The following CEP63 variants were observed in gnomAD, a reference collection of about 807,000 sequenced individuals.
The protein encoded by CEP63 is centrosomal protein 63, also known as centrosomal protein of 63 kDa.
In CEP63, 84 loss-of-function variants were observed where a neutral mutation model predicts 89.1. The ratio of observed to expected loss-of-function variants is 0.94; its 90% CI spans 0.79 to 1.13. The LOEUF (loss-of-function observed/expected upper bound fraction) is 1.13, where lower values mean the gene tolerates loss of function less well. Ranked by LOEUF, CEP63 falls within the 50% of genes most tolerant of loss-of-function variation. CEP63 has a pLI of 0.00. For synonymous variants in CEP63, 267 were observed against 272.5 expected (o/e 0.98, Z 0.20); for missense variants, 838 against 813.3 (o/e 1.03, Z -0.37).
chr3:134,611,865 AT>A, the CEP63 span, among the ~76,000 whole-genome samples: 1 of 152,244 alleles, frequency 6.6e-6, no homozygotes, highest in East Asian at 1.9e-4. Flanking sequence ...TACTATAGGA[AT>A]TGGGGGAATC....
chr3:134,593,199 A>T, the CEP63 span, among the ~76,000 whole-genome samples: 4 of 152,138 alleles, frequency 2.6e-5, no homozygotes, highest in East Asian at 1.9e-4. Flanking sequence ...CCACAATTTT[A>T]TGAGGGGCTT....
At chr3:134,560,491 C>T (rs746424676) in intron 14 of CEP63, among the ~76,000 whole-genome samples, 36 of 152,160 alleles carry the variant, frequency 2.4e-4, no homozygotes, top group Admixed American at 3.3e-4. Context: ...CCTTGTTGCC[C>T]CTGCTTATGC....
At position 134,512,321 on chromosome 3, in the gene CEP63, A is replaced by T. The variant is rs565021267; in HGVS notation, c.222+5035A>T. On this transcript the variant is annotated intron_variant, in intron 3 of 14. Transcript: ENST00000675561. ...ATGTGTTTCTGGTTACAGTGTTGGCACTGGGTTGGTTTTAATGGACATTCC... is the reference window on the plus strand; with the variant it reads ...ATGTGTTTCTGGTTACAGTGTTGGCTCTGGGTTGGTTTTAATGGACATTCC... Among the ~76,000 whole-genome samples, 4 of 152,318 alleles carry T rather than the reference A, an allele frequency of 2.6e-5. No individual in the cohort carries two copies. The South Asian group carries it at 8.3e-4, about 32-fold the overall frequency.
intron 2 of CEP63, among the ~76,000 whole-genome samples, chr3:134,505,759 A>G (rs1014028967): frequency 1.3e-5 from 2 of 152,104 alleles, no homozygotes; most frequent in African/African-American, 2.4e-5. Context: ...GCCTCAGACA[A>G]TGTGCCTGGT....
At chr3:134,699,142 G>A in the CEP63 span, among the ~76,000 whole-genome samples, 1 of 152,236 alleles carries the variant, frequency 6.6e-6, no homozygotes, top group Admixed American at 6.5e-5. Context: ...AGTGTGGACT[G>A]CCCTGGATAA....
chr3:134,574,312 C>G (rs1396793480), intron 11 of CEP63, among the ~76,000 whole-genome samples: 1 of 152,104 alleles, frequency 6.6e-6, no homozygotes, highest in Non-Finnish European at 1.5e-5. Context: ...GACAGCAGTC[C>G]CAAATCTGTT....
At chr3:134,608,556 G>T in the CEP63 span, 1 of 1,609,702 alleles carries the variant, frequency 6.2e-7, no homozygotes, top group Admixed American at 1.7e-5. Context: ...GGAAGGGCAT[G>T]CCTTGAAAGC....
chr3:134,551,945 AG>A lies in CEP63; in HGVS notation c.1401del (p.Glu467AspfsTer5). 6.2e-7 allele frequency: 1 copy of A among 1,608,864 alleles called. No homozygotes were observed. The highest frequency in any genetic ancestry group is 1.1e-5 in the South Asian group (1 of 90,636). On this transcript the variant is annotated frameshift_variant, in exon 12 of 15. Transcript: ENST00000675561. LOFTEE classifies it high-confidence loss of function. ...TTTCAGGAGATTTTGGATCAGCTGG[AG>A]TCACTCAAATTAGAAAATCGTCATC... ...VEHKEILDQL[E>X]SLKLENRHLS...
the CEP63 span, among the ~76,000 whole-genome samples, chr3:134,672,828 C>T: frequency 3.9e-5 from 6 of 152,240 alleles, no homozygotes; most frequent in Non-Finnish European, 7.3e-5. Context: ...CAACCATTGC[C>T]TGGACCATGT....
chr3:134,516,123 G>C (rs1421706179), intron 3 of CEP63, among the ~76,000 whole-genome samples: 2 of 152,172 alleles, frequency 1.3e-5, no homozygotes, highest in Admixed American at 1.3e-4. Context: ...ATTCTTGGGT[G>C]TTTCTCGGAG....
the CEP63 span, among the ~76,000 whole-genome samples, chr3:134,597,251 G>T: frequency 6.6e-6 from 1 of 152,176 alleles, no homozygotes; most frequent in Non-Finnish European, 1.5e-5. Context: ...GGAGAAATAA[G>T]AAAGAAGCTG....
At chr3:134,620,885 T>C in the CEP63 span, 1 of 1,444,680 alleles carries the variant, frequency 6.9e-7, no homozygotes, top group South Asian at 1.2e-5. Flanking sequence ...TGTGCTGTAT[T>C]AGGGCCTCGA....
chr3:134,713,800 A>T, the CEP63 span, among the ~76,000 whole-genome samples: 3 of 152,228 alleles, frequency 2.0e-5, no homozygotes, highest in African/African-American at 7.2e-5. Flanking sequence ...TGAGCTACTT[A>T]ATGCATCTAA....
At chr3:134,746,392 G>A in the CEP63 span, among the ~76,000 whole-genome samples, 1 of 152,182 alleles carries the variant, frequency 6.6e-6, no homozygotes, top group Non-Finnish European at 1.5e-5. Context: ...AAGTGTGCAT[G>A]TGTCTTTATA....
At chr3:134,542,387 G>A (rs371527135) in intron 6 of CEP63, among the ~76,000 whole-genome samples, 15 of 152,136 alleles carry the variant, frequency 9.9e-5, no homozygotes, top group African/African-American at 2.2e-4. Context: ...TTAAAAGTTC[G>A]TAGTAGCATA....
chr3:134,579,831 T>C (rs1219149528), downstream of CEP63, among the ~76,000 whole-genome samples: 3 of 152,112 alleles, frequency 2.0e-5, no homozygotes, highest in Admixed American at 2.0e-4. Flanking sequence ...AAATAGTATA[T>C]CCATGCAAAT....
At chr3:134,597,196 G>A in the CEP63 span, among the ~76,000 whole-genome samples, 2,457 of 152,308 alleles carry the variant, frequency 0.016, 56 homozygotes, top group African/African-American at 0.055. Flanking sequence ...CCTCTTGGCT[G>A]TTGTGTTGAG....
chr3:134,635,246 C>T, the CEP63 span, among the ~76,000 whole-genome samples: 299 of 152,234 alleles, frequency 2.0e-3, 3 homozygotes, highest in African/African-American at 6.8e-3. Flanking sequence ...CCTGTAATCC[C>T]AGCACTTTGG....
chr3:134,502,795 C>T (rs994163726), intron 2 of CEP63, among the ~76,000 whole-genome samples: 4 of 152,042 alleles, frequency 2.6e-5, no homozygotes, highest in Non-Finnish European at 5.9e-5. Context: ...TTTATTTCTG[C>T]TCTGATTTTA....
Sources: allele counts gnomAD v4.1 joint callset (sites outside exome capture counted in the v4.1 genomes callset), GRCh38; gene constraint gnomAD v4.1.1; transcripts MANE v1.5; gene names NCBI Gene and HGNC (gene_info 2026-07-23, HGNC 2026-07-21).